Variants in PDGFA observed in about 807,000 individuals in gnomAD.
PDGFA encodes the protein platelet derived growth factor subunit A, also known as platelet-derived growth factor subunit A.
A neutral mutation model predicts 25.6 loss-of-function variants in PDGFA; 9 were observed. The ratio of observed to expected loss-of-function variants is 0.35; its 90% CI spans 0.21 to 0.61. The LOEUF (loss-of-function observed/expected upper bound fraction) is 0.61, where lower values mean the gene tolerates loss of function less well. Among genes scored for constraint, PDGFA ranks in the 20% least tolerant of loss-of-function variants. The pLI is 0.75. For synonymous variants in PDGFA, 133 were observed against 111.8 expected (o/e 1.19, Z -1.20); for missense variants, 242 against 272.8 (o/e 0.89, Z 0.79).
At chr7:504,579 G>A (rs910841979) in intron 4 of PDGFA, among the ~76,000 whole-genome samples, 5 of 152,122 alleles carry the variant, frequency 3.3e-5, no homozygotes, top group Admixed American at 6.5e-5. Flanking sequence ...TCCCAGGCTC[G>A]AAGCACCCAT....
intron 4 of PDGFA, among the ~76,000 whole-genome samples, chr7:505,548 G>A (rs1782524612): frequency 6.6e-6 from 1 of 152,156 alleles, no homozygotes; most frequent in Non-Finnish European, 1.5e-5. Context: ...CCAGGTTACG[G>A]CCTGACCCTT....
In PDGFA at chr7:500,271, C is replaced by T. The variant is rs1009598680; in HGVS notation, c.580+845G>A. ...GGGCGTTCTGCGAGGCAGGAGCGGA[C>T]GGGGAGCAAGGAGACCCAAGCCCAG... On this transcript the variant is annotated intron_variant, in intron 5 of 5. Transcript: ENST00000402802. The surrounding 1 kb of genome is among the most constrained non-coding windows in gnomAD (Gnocchi z 5.0). Among the ~76,000 whole-genome samples the T allele has an allele frequency of 3.9e-5, 6 of 152,178 alleles. No homozygotes were observed. The highest frequency in any genetic ancestry group is 8.8e-5 in the Non-Finnish European group (6 of 68,036).
chr7:517,730 C>T lies in PDGFA; in HGVS notation c.64-240G>A, dbSNP rs1338814699. 1.5e-5 allele frequency among the ~76,000 whole-genome samples: 2 copies of T among 133,964 alleles called. No individual in the cohort carries two copies. The highest frequency in any genetic ancestry group is 2.4e-4 in the South Asian group (1 of 4,084). The allele number at this position is 133,964 out of a possible 152,430, so 87.9% of individuals were successfully genotyped here. A position where few individuals can be genotyped will look rare whatever the true frequency, so the allele number is the denominator to read the frequency against. On this transcript the variant is annotated intron_variant, in intron 1 of 5. Transcript: ENST00000402802. The surrounding 1 kb of genome is among the most constrained non-coding windows in gnomAD (Gnocchi z 7.4). ...TGTTCCGCCCTTTGCAAAATCAAAG[C>T]CCCCCCCCCTTTATATTTTCAGACA...
Position 517,911 on chromosome 7 carries a change from C to G in PDGFA, c.64-421G>C, listed in dbSNP as rs903618100. 6.6e-6 allele frequency among the ~76,000 whole-genome samples: 1 copy of G among 152,160 alleles called. No individual in the cohort carries two copies. Among genetic ancestry groups the G allele is most frequent in the Admixed American group, 6.5e-5 (1 of 15,276 alleles). ...CGGGTCGGCGAGAGTCACGGCAGCC[C>G]TAACACTTTAATCCAGGCAGGGCTT... On this transcript the variant is annotated intron_variant, in intron 1 of 5. Coordinates refer to ENST00000402802, the Ensembl canonical transcript of PDGFA. The surrounding 1 kb of genome is among the most constrained non-coding windows in gnomAD (Gnocchi z 7.4).
Position 507,349 on chromosome 7 carries a change from G to C in PDGFA, c.453+3460C>G, listed in dbSNP as rs538981493. On this transcript the variant is annotated intron_variant, in intron 4 of 5. Transcript: ENST00000402802. ...ACCCTGTCCCGGCAGATGAGACCCA[G>C]AGGGAGAGCCCTGGTCCTGGCTCTA... Among the ~76,000 whole-genome samples the C allele has an allele frequency of 2.6e-5, 4 of 152,350 alleles. No homozygotes were observed. In the East Asian group the frequency reaches 7.7e-4, roughly 29 times the overall value.
At chr7:516,809 G>A (rs2128406787) in intron 2 of PDGFA, among the ~76,000 whole-genome samples, 1 of 152,338 alleles carries the variant, frequency 6.6e-6, no homozygotes, top group South Asian at 2.1e-4. Context: ...ATAGCCCCCA[G>A]GCAGCAGATG....
Position 512,495 on chromosome 7 carries a change from G to A in PDGFA, c.161-40C>T, listed in dbSNP as rs148114238. 1.9e-4 allele frequency: 314 copies of A among 1,612,422 alleles called. No homozygotes were observed. In the African/African-American group the frequency reaches 2.6e-3, roughly 13 times the overall value. ...AGAACACCGTGAATGCCCCAGGCCCGTGCGCTGTGCCCTGGGCCTGTCCAG... is the reference window on the plus strand; with the variant it reads ...AGAACACCGTGAATGCCCCAGGCCCATGCGCTGTGCCCTGGGCCTGTCCAG... On this transcript the variant is annotated intron_variant, in intron 2 of 5. Transcript: ENST00000402802.
intron 4 of PDGFA, among the ~76,000 whole-genome samples, chr7:505,168 G>A (rs889627627): frequency 2.0e-5 from 3 of 152,128 alleles, no homozygotes; most frequent in Non-Finnish European, 4.4e-5. Flanking sequence ...ATAAAAGAAG[G>A]CCAAGTCCAA....
rs565318007 is a variant in PDGFA at position 498,256 on chromosome 7, C to T, written c.*308G>A. Reference sequence around the variant, plus strand: ...CCCACGGGGCGACCCTCCATCTCATCGAGTTTAGATATTTTTGTGAGTCCG... The same window carrying T: ...CCCACGGGGCGACCCTCCATCTCATTGAGTTTAGATATTTTTGTGAGTCCG... On this transcript the variant is annotated 3_prime_UTR_variant, in exon 6 of 6. Coordinates refer to ENST00000402802, the Ensembl canonical transcript of PDGFA. 3 of 440,102 alleles carry T rather than the reference C, an allele frequency of 6.8e-6. No individual in the cohort carries two copies. In the East Asian group the frequency reaches 1.2e-4, roughly 18 times the overall value. The allele number at this position is 440,102 out of a possible 1,614,324, so 27.3% of individuals were successfully genotyped here. A position where few individuals can be genotyped will look rare whatever the true frequency, so the allele number is the denominator to read the frequency against.
At chr7:511,109 C>A in intron 3 of PDGFA, 113 bp from the exon 4 acceptor site, 1 of 770,534 alleles carries the variant, frequency 1.3e-6, no homozygotes, top group Non-Finnish European at 2.1e-6. Flanking sequence ...AGCCACAGGC[C>A]AGGATTCCTC....
chr7:505,927 A>G (rs1181724090), intron 4 of PDGFA, among the ~76,000 whole-genome samples: 1 of 152,156 alleles, frequency 6.6e-6, no homozygotes, highest in African/African-American at 2.4e-5. Flanking sequence ...TAATCCCAGC[A>G]CTTTGGGAGG....
At chr7:512,491 GC>G (rs1289339824) in intron 2 of PDGFA, 36 bp from the exon 3 acceptor site, 1 of 1,612,770 alleles carries the variant, frequency 6.2e-7, no homozygotes, top group Admixed American at 1.7e-5. Context: ...AATGCCCCAG[GC>G]CCGTGCGCTG....
chr7:501,316 G>C, intron 4 of PDGFA, 74 bp from the exon 5 acceptor site: 1 of 1,590,714 alleles, frequency 6.3e-7, no homozygotes, highest in South Asian at 1.1e-5. Flanking sequence ...TGGGAGCCGG[G>C]GACAGGCTGA....
At chr7:503,440 G>A (rs963146494) in intron 4 of PDGFA, among the ~76,000 whole-genome samples, 10 of 152,164 alleles carry the variant, frequency 6.6e-5, no homozygotes, top group African/African-American at 2.4e-5. Context: ...GGGAATGCAC[G>A]CTGCTGGGTG....
At chr7:510,140 G>A (rs1187236041) in intron 4 of PDGFA, among the ~76,000 whole-genome samples, 1 of 152,158 alleles carries the variant, frequency 6.6e-6, no homozygotes, top group Non-Finnish European at 1.5e-5. Context: ...TAAGCAGCTC[G>A]ACACCTCGCA....
rs571917674 is a variant in PDGFA, at chr7:512,499, G to A, written c.161-44C>T. On this transcript the variant is annotated intron_variant, in intron 2 of 5. Coordinates refer to ENST00000402802, the Ensembl canonical transcript of PDGFA. ...CACCGTGAATGCCCCAGGCCCGTGC[G>A]CTGTGCCCTGGGCCTGTCCAGCCGC... The A allele has an allele frequency of 6.1e-5, 99 of 1,612,152 alleles. 1 individual carries two copies. The highest frequency in any genetic ancestry group is 4.8e-4 in the Admixed American group (29 of 59,922).
rs1220437945 is a variant in PDGFA, at chr7:500,779, C to G, written c.580+337G>C. The G allele has an allele frequency of 6.9e-7, 1 of 1,442,668 alleles. No homozygotes were observed. Among genetic ancestry groups the G allele is most frequent in the African/African-American group, 1.4e-5 (1 of 70,272 alleles). 89.4% of individuals were successfully genotyped at this position (1,442,668 alleles called of 1,614,324 possible). On this transcript the variant is annotated intron_variant, in intron 5 of 5. Coordinates refer to ENST00000402802, the Ensembl canonical transcript of PDGFA. The surrounding 1 kb of genome is among the most constrained non-coding windows in gnomAD (Gnocchi z 5.0). Reference sequence around the variant, plus strand: ...CTCGAACCTGCTCCTCCCGCCCACCCTGGCAGGAGGCCCTTCTGCAGATTC... The same window carrying G: ...CTCGAACCTGCTCCTCCCGCCCACCGTGGCAGGAGGCCCTTCTGCAGATTC...
chr7:509,933 C>T (rs1356969528), intron 4 of PDGFA, among the ~76,000 whole-genome samples: 1 of 152,162 alleles, frequency 6.6e-6, no homozygotes, highest in Non-Finnish European at 1.5e-5. Flanking sequence ...GCCTCGAGCC[C>T]ACCCCAAGCA....
chr7:512,770 C>T (rs547279409), intron 2 of PDGFA: 132 of 857,126 alleles, frequency 1.5e-4, no homozygotes, highest in African/African-American at 1.1e-3. Flanking sequence ...GTCTCCCCTA[C>T]GGTGCCTCCT....
Sources: gnomAD v4.1 joint callset for allele counts (sites outside exome capture counted in the v4.1 genomes callset) on GRCh38, gnomAD v4.1.1 for gene constraint, Gnocchi (gnomAD v3.1) non-coding constraint, MANE v1.5 for transcripts, NCBI Gene and HGNC (gene_info 2026-07-23, HGNC 2026-07-21) for gene names.